DOK6: variants seen among roughly 807,000 people sequenced by gnomAD.
The protein encoded by DOK6 is downstream of tyrosine kinase 6.
DOK6 carries 22 observed loss-of-function variants against 44.0 expected under a neutral mutation model. The ratio of observed to expected loss-of-function variants is 0.50; its 90% CI spans 0.36 to 0.71. The LOEUF (loss-of-function observed/expected upper bound fraction) is 0.71. DOK6 is among the 30% of genes least tolerant of loss of function. The pLI, the probability that DOK6 is intolerant of heterozygous loss-of-function variation, is 0.00. For synonymous variants in DOK6, 166 were observed against 145.5 expected (o/e 1.14, Z -1.01); for missense variants, 340 against 416.4 (o/e 0.82, Z 1.60).
In DOK6 at chr18:69,506,441, A is replaced by T. The variant is rs1359775527; in HGVS notation, c.67-58046A>T. On this transcript the variant is annotated intron_variant, in intron 1 of 7. Coordinates refer to ENST00000382713, the MANE Select transcript of DOK6 (RefSeq NM_152721.6). ...TATCCCTAACCCCTGACAACCTATG[A>T]TTTGTTAACTGTCTCTGTAGTTTTG... 4.6e-5 allele frequency among the ~76,000 whole-genome samples: 7 copies of T among 152,100 alleles called. No homozygotes were observed. In the East Asian group the frequency reaches 1.4e-3, roughly 29 times the overall value.
chr18:69,741,952 A>G (rs1235165839), intron 6 of DOK6, among the ~76,000 whole-genome samples: 2 of 152,240 alleles, frequency 1.3e-5, no homozygotes, highest in East Asian at 3.8e-4. Context: ...ATTTCTTACT[A>G]TGAAAGAAAA....
intron 1 of DOK6, among the ~76,000 whole-genome samples, chr18:69,432,403 C>G (rs867190347): frequency 2.0e-5 from 3 of 152,106 alleles, no homozygotes; most frequent in Non-Finnish European, 4.4e-5. Context: ...GAGATCATGC[C>G]GTTGCATTCT....
At chr18:69,557,457 G>A (rs900407810) in intron 1 of DOK6, among the ~76,000 whole-genome samples, 5 of 152,172 alleles carry the variant, frequency 3.3e-5, no homozygotes, top group African/African-American at 1.2e-4. Context: ...GATATCCTTT[G>A]TGTAAAATCA....
At chr18:69,832,950 G>A (rs1043569131) in intron 7 of DOK6, among the ~76,000 whole-genome samples, 1 of 152,090 alleles carries the variant, frequency 6.6e-6, no homozygotes, top group East Asian at 1.9e-4. Context: ...CATGTTCATG[G>A]ATTGGAAGAA....
chr18:69,744,230 A>T (rs1978900881), intron 6 of DOK6, among the ~76,000 whole-genome samples: 1 of 151,786 alleles, frequency 6.6e-6, no homozygotes, highest in Admixed American at 6.6e-5. Flanking sequence ...GAATTGCTTG[A>T]ACCCGGGAGG....
intron 3 of DOK6, chr18:69,661,407 T>C (rs1985522419): frequency 6.6e-6 from 1 of 152,292 alleles, no homozygotes; most frequent in Non-Finnish European, 1.5e-5. Flanking sequence ...GGTTTCCACA[T>C]ATGAATTGTA....
chr18:69,528,543 G>A (rs982558924), intron 1 of DOK6, among the ~76,000 whole-genome samples: 1 of 152,140 alleles, frequency 6.6e-6, no homozygotes, highest in African/African-American at 2.4e-5. Flanking sequence ...CTCATTGCTG[G>A]TAAGAATACT....
chr18:69,558,415 A>G (rs1420377888), intron 1 of DOK6, among the ~76,000 whole-genome samples: 3 of 152,150 alleles, frequency 2.0e-5, no homozygotes, highest in Non-Finnish European at 2.9e-5. Context: ...TAAAAAGCAA[A>G]ATACTTTGAA....
intron 1 of DOK6, among the ~76,000 whole-genome samples, chr18:69,479,466 T>C (rs1196300183): frequency 1.3e-5 from 2 of 152,154 alleles, no homozygotes. Context: ...TAGAAGCATG[T>C]TTTGCAGGGT....
At chr18:69,490,966 G>T (rs17081069) in intron 1 of DOK6, among the ~76,000 whole-genome samples, 7 of 152,072 alleles carry the variant, frequency 4.6e-5, no homozygotes, top group African/African-American at 1.7e-4. Context: ...TCAGAAGGCC[G>T]CAGTCCCTGA....
At chr18:69,557,618 T>A (rs936351552) in intron 1 of DOK6, among the ~76,000 whole-genome samples, 1 of 152,134 alleles carries the variant, frequency 6.6e-6, no homozygotes, top group Non-Finnish European at 1.5e-5. Context: ...CCAGCTGTGA[T>A]CCTGGGAATT....
intron 1 of DOK6, among the ~76,000 whole-genome samples, chr18:69,462,429 G>A (rs1162902939): frequency 6.6e-6 from 1 of 152,102 alleles, no homozygotes; most frequent in African/African-American, 2.4e-5. Context: ...CTTGTGCTAT[G>A]AAGGTTAAGA....
rs921192611 is a variant in DOK6, at chr18:69,842,928, T to A, written c.*1545T>A. On this transcript the variant is annotated 3_prime_UTR_variant, in exon 8 of 8. Transcript: ENST00000382713. Reference sequence around the variant, plus strand: ...TTCTTAATAGGAAAATTTTTTAAACTATCCAAATTAGTCTGTTGAAAGGGT... The same window carrying A: ...TTCTTAATAGGAAAATTTTTTAAACAATCCAAATTAGTCTGTTGAAAGGGT... 1 of 152,164 alleles carries A rather than the reference T, an allele frequency of 6.6e-6. No homozygotes were observed. The highest frequency in any genetic ancestry group is 1.5e-5 in the Non-Finnish European group (1 of 68,026). 9.4% of individuals were successfully genotyped at this position (152,164 alleles called of 1,614,324 possible). A position where few individuals can be genotyped will look rare whatever the true frequency, so the allele number is the denominator to read the frequency against.
chr18:69,716,616 C>T (rs1986887493), intron 5 of DOK6, among the ~76,000 whole-genome samples: 1 of 144,748 alleles, frequency 6.9e-6, no homozygotes, highest in South Asian at 2.2e-4. Context: ...CCCTTATTGC[C>T]ATTTAAAGAA....
chr18:69,727,604 T>C (rs1180821440), intron 5 of DOK6, among the ~76,000 whole-genome samples: 1 of 152,206 alleles, frequency 6.6e-6, no homozygotes. Context: ...GGAGAGACTG[T>C]AGATCTGGCC....
intron 7 of DOK6, among the ~76,000 whole-genome samples, chr18:69,778,499 A>G (rs1980151723): frequency 6.6e-6 from 1 of 152,242 alleles, no homozygotes; most frequent in Non-Finnish European, 1.5e-5. Context: ...CACTTCACTC[A>G]GAAGTTAACT....
chr18:69,421,000 A>G (rs1020149923), intron 1 of DOK6, among the ~76,000 whole-genome samples: 4 of 152,194 alleles, frequency 2.6e-5, no homozygotes, highest in Admixed American at 2.6e-4. Flanking sequence ...ACGATTCCTC[A>G]GATCTCTTGA....
chr18:69,547,076 G>C (rs1459935650), intron 1 of DOK6, among the ~76,000 whole-genome samples: 1 of 151,230 alleles, frequency 6.6e-6, no homozygotes, highest in Non-Finnish European at 1.5e-5. Flanking sequence ...AGTTGGGTCA[G>C]GGAACGTACC....
chr18:69,636,375 T>A (rs1432936718), intron 3 of DOK6, among the ~76,000 whole-genome samples: 3 of 152,150 alleles, frequency 2.0e-5, no homozygotes, highest in African/African-American at 7.2e-5. Context: ...TTGTCACACG[T>A]CCTTAATTAA....
Sources: gnomAD v4.1 joint callset for allele counts (sites outside exome capture counted in the v4.1 genomes callset) on GRCh38, gnomAD v4.1.1 for gene constraint, MANE v1.5 for transcripts, NCBI Gene and HGNC (gene_info 2026-07-23, HGNC 2026-07-21) for gene names.